The following FRY variants were observed in gnomAD, a reference collection of about 807,000 sequenced individuals.
The protein encoded by FRY is FRY microtubule binding protein, also known as protein furry homolog.
In FRY, 128 loss-of-function variants were observed where a neutral mutation model predicts 348.4. That is an observed-to-expected ratio of 0.37 (90% CI 0.32 to 0.43). The LOEUF is 0.43. Among genes scored for constraint, FRY ranks in the 20% least tolerant of loss-of-function variants. The pLI is 1.00. For synonymous variants in FRY, 1,370 were observed against 1,374.7 expected (o/e 1.00, Z 0.08); for missense variants, 2,736 against 3,695.2 (o/e 0.74, Z 6.73).
chr13:32,121,366 A>G (rs534361286), intron 4 of FRY, among the ~76,000 whole-genome samples: 1 of 152,278 alleles, frequency 6.6e-6, no homozygotes, highest in East Asian at 1.9e-4. Flanking sequence ...CATAGCAGCT[A>G]TACTAGTTTA....
intron 35 of FRY, 124 bp downstream of exon 35, chr13:32,212,506 TA>T: frequency 1.4e-6 from 1 of 691,406 alleles, no homozygotes. Context: ...TCTTTGTTTT[TA>T]GAAACTCAGA....
At chr13:32,074,128 G>A (rs1874858402) in intron 1 of FRY, among the ~76,000 whole-genome samples, 1 of 152,078 alleles carries the variant, frequency 6.6e-6, no homozygotes, top group African/African-American at 2.4e-5. Context: ...AAAATGAATG[G>A]GCCCTAAAAG....
At chr13:32,216,049 T>G (rs896736133) in intron 35 of FRY, among the ~76,000 whole-genome samples, 33 of 152,298 alleles carry the variant, frequency 2.2e-4, no homozygotes, top group Non-Finnish European at 4.7e-4. Flanking sequence ...CAAATATATA[T>G]TAACTATCAG....
At chr13:32,292,825 T>TAAAG (rs1889443393) in intron 59 of FRY, among the ~76,000 whole-genome samples, 1 of 151,020 alleles carries the variant, frequency 6.6e-6, no homozygotes, top group Non-Finnish European at 1.5e-5. Context: ...AATAAATAAA[T>TAAAG]AAAGCAAACT....
intron 11 of FRY, among the ~76,000 whole-genome samples, chr13:32,145,542 T>TG (rs1880371907): frequency 1.4e-5 from 2 of 143,864 alleles, no homozygotes; most frequent in African/African-American, 5.3e-5. Context: ...TTTTTTTTTT[T>TG]TTTTTTTTTT....
At chr13:32,182,854 A>G (rs1295790700) in intron 23 of FRY, 123 bp from the exon 24 acceptor site, 2 of 682,162 alleles carry the variant, frequency 2.9e-6, no homozygotes, top group Non-Finnish European at 5.4e-6. Flanking sequence ...GATCAGGGAG[A>G]TTGTGATGTC....
intron 18 of FRY, among the ~76,000 whole-genome samples, chr13:32,173,002 A>G (rs1882178972): frequency 6.6e-6 from 1 of 152,258 alleles, no homozygotes; most frequent in Non-Finnish European, 1.5e-5. Context: ...ATAGTATCCA[A>G]AAGTCTATGG....
At chr13:32,155,247 C>G (rs1881041268) in intron 14 of FRY, among the ~76,000 whole-genome samples, 1 of 151,976 alleles carries the variant, frequency 6.6e-6, no homozygotes, top group Non-Finnish European at 1.5e-5. Flanking sequence ...TAGTACATGA[C>G]CATCTCAAAC....
chr13:32,253,465 A>C (rs988633037), intron 50 of FRY, among the ~76,000 whole-genome samples: 11 of 152,350 alleles, frequency 7.2e-5, no homozygotes, highest in African/African-American at 2.6e-4. Flanking sequence ...ATTTTCTTTA[A>C]TATCTATCTA....
chr13:32,202,111 C>A, intron 30 of FRY, 71 bp downstream of exon 30: 1 of 982,194 alleles, frequency 1.0e-6, no homozygotes, highest in African/African-American at 1.6e-5. Flanking sequence ...AGTTGATTAC[C>A]TAATAGCTGT....
chr13:32,239,185 C>G lies in FRY; in HGVS notation c.6419-67C>G. ...CCTCAGTATAAAAATCTGTAACATG[C>G]CTTCCCACTGTTAACAGCTAAAATA... On this transcript the variant is annotated intron_variant, in intron 44 of 60. Transcript: ENST00000542859. This position sits in a 1 kb window ranked among gnomAD's most constrained non-coding sequence, Gnocchi z 4.3. 1 of 984,126 alleles carries G rather than the reference C, an allele frequency of 1.0e-6. No homozygotes were observed. The highest frequency in any genetic ancestry group is 1.6e-6 in the Non-Finnish European group (1 of 609,250). 61.0% of individuals were successfully genotyped at this position (984,126 alleles called of 1,614,324 possible). A position where few individuals can be genotyped will look rare whatever the true frequency, so the allele number is the denominator to read the frequency against.
rs1346461370 is a variant in FRY at position 32,218,975 on chromosome 13, A to G, written c.4765+144A>G. On this transcript the variant is annotated intron_variant, in intron 36 of 60. Coordinates refer to ENST00000542859, the MANE Select transcript of FRY (RefSeq NM_023037.3). ...ATTTAATCCACCTATGCAGATGAGC[A>G]TAGAGTCAGCATCCTCAAAAGTTAA... 9.3e-6 allele frequency: 6 copies of G among 642,612 alleles called. No individual in the cohort carries two copies. In the East Asian group the frequency reaches 1.7e-4, roughly 18 times the overall value. 39.8% of individuals were successfully genotyped at this position (642,612 alleles called of 1,614,324 possible). A position where few individuals can be genotyped will look rare whatever the true frequency, so the allele number is the denominator to read the frequency against.
At chr13:32,238,069 C>A in intron 44 of FRY, 83 bp downstream of exon 44, 1 of 1,448,066 alleles carries the variant, frequency 6.9e-7, no homozygotes, top group Non-Finnish European at 9.6e-7. Context: ...TATGAACTTA[C>A]TGCTTTTAAC....
intron 17 of FRY, among the ~76,000 whole-genome samples, chr13:32,169,516 C>T (rs942234084): frequency 1.1e-4 from 16 of 152,168 alleles, no homozygotes; most frequent in Non-Finnish European, 4.4e-5. Flanking sequence ...CCTGAAGTCA[C>T]GTAGCTAATA....
At chr13:32,101,904 T>A (rs1379800926) in intron 2 of FRY, 59 bp from the exon 3 acceptor site, 1 of 982,496 alleles carries the variant, frequency 1.0e-6, no homozygotes, top group African/African-American at 1.6e-5. Flanking sequence ...ATGGCATTTC[T>A]TTTATACTAT....
At chr13:32,089,476 A>G (rs1876107578) in intron 2 of FRY, among the ~76,000 whole-genome samples, 1 of 152,124 alleles carries the variant, frequency 6.6e-6, no homozygotes, top group Non-Finnish European at 1.5e-5. Context: ...CAGAGAAGGA[A>G]TGTCTGGTGG....
chr13:32,038,970 T>C (rs2138354480), intron 1 of FRY, among the ~76,000 whole-genome samples: 1 of 152,284 alleles, frequency 6.6e-6, no homozygotes, highest in East Asian at 1.9e-4. Flanking sequence ...CCTTCCTTGT[T>C]CGATTCAGAA....
chr13:32,124,668 A>T lies in FRY; in HGVS notation c.622A>T (p.Lys208Ter). The T allele has an allele frequency of 6.4e-7, 1 of 1,573,430 alleles. No homozygotes were observed. Among genetic ancestry groups the T allele is most frequent in the Non-Finnish European group, 8.7e-7 (1 of 1,142,908 alleles). Residue 208 changes from lysine to a stop codon, truncating the protein, a stop_gained, in exon 6 of 61, where the codon AAA becomes TAA. Transcript: ENST00000542859. LOFTEE classifies it high-confidence loss of function. Reference sequence around the variant, plus strand: ...TATTAACTTGGCTTTCAAGCACTTTAAATACAAAGAAGGGTAAGATGATTT... The same window carrying T: ...TATTAACTTGGCTTTCAAGCACTTTTAATACAAAGAAGGGTAAGATGATTT... The part of the protein sequence containing the change: ...DVINLAFKHF[K>*]YKEGYLGPNT...
chr13:32,105,912 T>C (rs1877515684), intron 3 of FRY, among the ~76,000 whole-genome samples: 1 of 152,004 alleles, frequency 6.6e-6, no homozygotes, highest in African/African-American at 2.4e-5. Context: ...CAGCCCATGA[T>C]TCATTTTCTT....
Sources: gnomAD v4.1 joint callset for allele counts (sites outside exome capture counted in the v4.1 genomes callset) on GRCh38, gnomAD v4.1.1 for gene constraint, Gnocchi (gnomAD v3.1) non-coding constraint, MANE v1.5 for transcripts, NCBI Gene and HGNC (gene_info 2026-07-23, HGNC 2026-07-21) for gene names.